The following FAM227B variants were observed in gnomAD, a reference collection of about 807,000 sequenced individuals.
FAM227B encodes the protein family with sequence similarity 227 member B, also known as protein FAM227B.
Under a neutral mutation model 73.8 loss-of-function variants are expected in FAM227B, and 88 were observed. The observed-to-expected ratio is 1.19, with a 90% CI of 1.00 to 1.42. FAM227B has a LOEUF of 1.42. FAM227B is among the 40% of genes most tolerant of loss of function. The probability of loss-of-function intolerance (pLI) is 0.00; values close to 1 mark genes in which losing one functional copy is unlikely to be tolerated. For missense variants in FAM227B, 632 were observed against 590.9 expected, an observed-to-expected ratio of 1.07 and a Z score of -0.72; for synonymous variants, 210 against 190.5, an observed-to-expected ratio of 1.10 and a Z score of -0.84.
intron 9 of FAM227B, among the ~76,000 whole-genome samples, chr15:49,559,798 G>C (rs1235098190): frequency 6.6e-6 from 1 of 152,098 alleles, no homozygotes; most frequent in Non-Finnish European, 1.5e-5. Context: ...AGCAGGGCGT[G>C]GTGGCACGTG....
At chr15:49,579,196 T>C (rs1216738585) in intron 5 of FAM227B, among the ~76,000 whole-genome samples, 1 of 152,140 alleles carries the variant, frequency 6.6e-6, no homozygotes, top group East Asian at 1.9e-4. Context: ...TTATATACTA[T>C]TGGTGGGAAT....
At chr15:49,538,899 C>T (rs2070654558) in intron 10 of FAM227B, among the ~76,000 whole-genome samples, 1 of 148,686 alleles carries the variant, frequency 6.7e-6, no homozygotes. Context: ...ACTTAGTTTC[C>T]TTAATTATTT....
rs553331747 is a variant in FAM227B, at chr15:49,493,252, A to G, written c.1012+14959T>C. Reference sequence around the variant, plus strand: ...TGTCATTTAAACTATGTCAATTACCAATTGTAGAACCCATGTTGTCTCTCT... The same window carrying G: ...TGTCATTTAAACTATGTCAATTACCGATTGTAGAACCCATGTTGTCTCTCT... On this transcript the variant is annotated intron_variant, in intron 11 of 15. Transcript: ENST00000299338. Among the ~76,000 whole-genome samples, 18 of 152,058 alleles carry G rather than the reference A, an allele frequency of 1.2e-4. 1 individual carries two copies. In the South Asian group the frequency reaches 3.5e-3, roughly 30 times the overall value.
intron 10 of FAM227B, among the ~76,000 whole-genome samples, chr15:49,529,419 T>A (rs1394710588): frequency 6.6e-6 from 1 of 151,706 alleles, no homozygotes; most frequent in Admixed American, 6.6e-5. Context: ...AATATCACCA[T>A]TGCACAATAT....
At chr15:49,546,973 T>A (rs1453995215) in intron 9 of FAM227B, among the ~76,000 whole-genome samples, 1 of 152,038 alleles carries the variant, frequency 6.6e-6, no homozygotes, top group Admixed American at 6.6e-5. Flanking sequence ...CCAAGACACA[T>A]AATTGTCAGA....
At chr15:49,349,841 A>G (rs985379665) in intron 13 of FAM227B, among the ~76,000 whole-genome samples, 3 of 152,150 alleles carry the variant, frequency 2.0e-5, no homozygotes, top group African/African-American at 7.2e-5. Flanking sequence ...TTTTTCTGTA[A>G]GCAAAAACGA....
chr15:49,402,600 A>G (rs1821491398), intron 11 of FAM227B, among the ~76,000 whole-genome samples: 1 of 152,172 alleles, frequency 6.6e-6, no homozygotes, highest in Non-Finnish European at 1.5e-5. Flanking sequence ...TTGTTTGTAT[A>G]TAGGAATGAT....
intron 7 of FAM227B, chr15:49,576,516 G>T: frequency 2.5e-6 from 1 of 406,362 alleles, no homozygotes; most frequent in Non-Finnish European, 4.4e-6. Context: ...TGCCAAGCCA[G>T]TGTACGCTAG....
intron 11 of FAM227B, 52 bp downstream of exon 11, chr15:49,508,159 A>G: frequency 6.5e-7 from 1 of 1,543,604 alleles, no homozygotes; most frequent in South Asian, 1.2e-5. Flanking sequence ...TAAATAAATT[A>G]ATTGATTTTT....
chr15:49,534,895 G>A (rs1304428774), intron 10 of FAM227B, among the ~76,000 whole-genome samples: 1 of 151,374 alleles, frequency 6.6e-6, no homozygotes, highest in Non-Finnish European at 1.5e-5. Context: ...TCGGAACAAA[G>A]GAAAATGGAA....
chr15:49,463,569 T>C (rs1292516208), intron 11 of FAM227B, among the ~76,000 whole-genome samples: 1 of 116,916 alleles, frequency 8.6e-6, no homozygotes, highest in African/African-American at 3.6e-5. Flanking sequence ...AAAAAAAATA[T>C]CCAAACTCAA....
intron 10 of FAM227B, among the ~76,000 whole-genome samples, chr15:49,529,157 C>A (rs1042166081): frequency 3.3e-5 from 5 of 151,532 alleles, no homozygotes; most frequent in African/African-American, 7.2e-5. Context: ...AAAGGGAATA[C>A]AATCATGTTT....
At chr15:49,360,945 A>G (rs971862604) in intron 13 of FAM227B, among the ~76,000 whole-genome samples, 4 of 152,138 alleles carry the variant, frequency 2.6e-5, no homozygotes, top group Non-Finnish European at 5.9e-5. Context: ...GTGAATCCTT[A>G]CACATAGACA....
chr15:49,605,240 G>C (rs928404085), intron 3 of FAM227B, among the ~76,000 whole-genome samples: 3 of 152,190 alleles, frequency 2.0e-5, no homozygotes, highest in Non-Finnish European at 2.9e-5. Context: ...TGTTGGAATT[G>C]TCAGGTAAGC....
intron 11 of FAM227B, among the ~76,000 whole-genome samples, chr15:49,397,858 G>A (rs1462026491): frequency 1.3e-5 from 2 of 152,128 alleles, no homozygotes; most frequent in South Asian, 2.1e-4. Context: ...TGCTAAACAC[G>A]GAAAGGAACC....
At chr15:49,551,054 C>A (rs903683272) in intron 9 of FAM227B, among the ~76,000 whole-genome samples, 1 of 152,248 alleles carries the variant, frequency 6.6e-6, no homozygotes, top group African/African-American at 2.4e-5. Flanking sequence ...CCGAGGCTGG[C>A]GGATCACTCG....
intron 10 of FAM227B, among the ~76,000 whole-genome samples, chr15:49,523,275 TTGCAGTG>T (rs1193318094): frequency 1.3e-5 from 2 of 151,962 alleles, no homozygotes; most frequent in East Asian, 3.9e-4. Context: ...TGCAGGAGGG[TTGCAGTG>T]GGAAGTAATT....
At chr15:49,397,263 T>A (rs1596870534) in intron 11 of FAM227B, among the ~76,000 whole-genome samples, 6 of 151,764 alleles carry the variant, frequency 4.0e-5, no homozygotes, top group Admixed American at 3.9e-4. Flanking sequence ...GAAGATGAAA[T>A]GAATGAAATG....
At chr15:49,408,899 G>A (rs1463329224) in intron 11 of FAM227B, among the ~76,000 whole-genome samples, 1 of 152,114 alleles carries the variant, frequency 6.6e-6, no homozygotes, top group Non-Finnish European at 1.5e-5. Flanking sequence ...TTCAGAGTCT[G>A]ATACATAGTA....
Sources: allele counts gnomAD v4.1 joint callset (sites outside exome capture counted in the v4.1 genomes callset), GRCh38; gene constraint gnomAD v4.1.1; transcripts MANE v1.5; gene names NCBI Gene and HGNC (gene_info 2026-07-23, HGNC 2026-07-21).